The following NECTIN1 variants were observed in gnomAD, a reference collection of about 807,000 sequenced individuals.
NECTIN1 encodes nectin-1.
NECTIN1 carries 23 observed loss-of-function variants against 48.0 expected under a neutral mutation model. The observed-to-expected ratio is 0.48, with a 90% CI of 0.34 to 0.68. The LOEUF is 0.68. NECTIN1 is among the 30% of genes least tolerant of loss of function. The pLI is 0.01. For missense variants in NECTIN1, 591 were observed against 709.9 expected (o/e 0.83, Z 1.90); for synonymous variants, 270 against 288.9 (o/e 0.93, Z 0.66).
At chr11:119,655,067 G>A (rs1490692582) in intron 5 of NECTIN1, among the ~76,000 whole-genome samples, 2 of 151,188 alleles carry the variant, frequency 1.3e-5, no homozygotes, top group African/African-American at 2.4e-5. Flanking sequence ...CCACCACCAC[G>A]CCTGGCTAAT....
Position 119,663,007 on chromosome 11 carries a change from A to G in NECTIN1, c.*1740T>C. ...AAATGGAGCTGGCAGGGGGTTCAATAGCAGCACCAGGGAGGGGAGGGGAGG... is the reference window on the plus strand; with the variant it reads ...AAATGGAGCTGGCAGGGGGTTCAATGGCAGCACCAGGGAGGGGAGGGGAGG... On this transcript the variant is annotated 3_prime_UTR_variant, in exon 6 of 6. Transcript: ENST00000264025. 8.7e-6 allele frequency: 3 copies of G among 346,354 alleles called. No homozygotes were observed. Among genetic ancestry groups the G allele is most frequent in the Non-Finnish European group, 1.1e-5 (3 of 261,390 alleles). The allele number at this position is 346,354 out of a possible 1,614,324, so 21.5% of individuals were successfully genotyped here.
intron 5 of NECTIN1, among the ~76,000 whole-genome samples, chr11:119,666,824 G>C (rs552657483): frequency 5.8e-4 from 88 of 152,280 alleles, no homozygotes; most frequent in Middle Eastern, 3.4e-3. Context: ...TATCCCACTC[G>C]GCAGGCTGCA....
intron 6 of NECTIN1, chr11:119,639,779 A>C: frequency 6.3e-7 from 1 of 1,584,278 alleles, no homozygotes; most frequent in South Asian, 1.1e-5. Context: ...AGCTTTCACA[A>C]GTTTAGGTGC....
intron 5 of NECTIN1, among the ~76,000 whole-genome samples, chr11:119,650,829 T>C (rs1864480059): frequency 6.6e-6 from 1 of 152,186 alleles, no homozygotes; most frequent in Non-Finnish European, 1.5e-5. Context: ...TTATAAAGTA[T>C]GTTGAACACT....
chr11:119,638,243 A>G (rs373914183), exon 8 of NECTIN1: 2 of 1,613,952 alleles, frequency 1.2e-6, no homozygotes, highest in Non-Finnish European at 8.5e-7. Context: ...GTCCAGGTGG[A>G]CAACCTGGAA....
intron 5 of NECTIN1, chr11:119,674,483 G>A: frequency 1.2e-6 from 2 of 1,611,366 alleles, no homozygotes; most frequent in East Asian, 2.2e-5. Context: ...GCCCTTCAAG[G>A]TACATCATAC....
rs576081756 is a variant in NECTIN1 at position 119,684,152 on chromosome 11, A to G, written c.80-5387T>C. ...CTCTTCCTGCCCTTTTAACCCCCAGACCCCTCTTCCTAGCCAAGCAGGCTG... is the reference window on the plus strand; with the variant it reads ...CTCTTCCTGCCCTTTTAACCCCCAGGCCCCTCTTCCTAGCCAAGCAGGCTG... On this transcript the variant is annotated intron_variant, in intron 1 of 5. Transcript: ENST00000264025. The surrounding 1 kb of genome is among the most constrained non-coding windows in gnomAD (Gnocchi z 5.2). 3.3e-5 allele frequency among the ~76,000 whole-genome samples: 5 copies of G among 152,040 alleles called. No individual in the cohort carries two copies. The highest frequency in any genetic ancestry group is 1.2e-4 in the African/African-American group (5 of 41,456).
chr11:119,697,060 G>C (rs1207061826), intron 1 of NECTIN1, among the ~76,000 whole-genome samples: 1 of 152,128 alleles, frequency 6.6e-6, no homozygotes, highest in Non-Finnish European at 1.5e-5. Flanking sequence ...CCGGGCCTGG[G>C]AGGGGCAGCC....
At chr11:119,641,330 C>G (rs1864320636) in intron 5 of NECTIN1, 1 of 152,216 alleles carries the variant, frequency 6.6e-6, no homozygotes. Flanking sequence ...GTGCCTAGCT[C>G]CAGAGTGATC....
chr11:119,651,096 T>C (rs1302373015), intron 5 of NECTIN1, among the ~76,000 whole-genome samples: 1 of 152,074 alleles, frequency 6.6e-6, no homozygotes, highest in African/African-American at 2.4e-5. Context: ...GACAAAAGAA[T>C]AGGGCGTGGA....
At chr11:119,647,575 T>C (rs960220199) in intron 5 of NECTIN1, among the ~76,000 whole-genome samples, 15 of 151,994 alleles carry the variant, frequency 9.9e-5, no homozygotes, top group African/African-American at 3.6e-4. Context: ...CTCCTCTGGG[T>C]GCCCTCTTCC....
intron 1 of NECTIN1, among the ~76,000 whole-genome samples, chr11:119,696,428 G>GC (rs33985102): frequency 0.64 from 96,622 of 152,082 alleles, 31,240 homozygotes; most frequent in African/African-American, 0.75. Flanking sequence ...AACCCCGCCC[G>GC]CCCCCTGGGG....
intron 5 of NECTIN1, among the ~76,000 whole-genome samples, chr11:119,649,836 C>G (rs1343055327): frequency 6.6e-6 from 1 of 152,180 alleles, no homozygotes; most frequent in Non-Finnish European, 1.5e-5. Flanking sequence ...TCAAGGTCAG[C>G]CCCACCAGCA....
intron 1 of NECTIN1, among the ~76,000 whole-genome samples, chr11:119,690,893 C>A (rs1481460120): frequency 6.6e-6 from 1 of 152,190 alleles, no homozygotes; most frequent in Non-Finnish European, 1.5e-5. Context: ...CCACCTCAAC[C>A]TACCTTCCGG....
chr11:119,701,428 AG>A, intron 1 of NECTIN1, among the ~76,000 whole-genome samples: 2 of 152,172 alleles, frequency 1.3e-5, no homozygotes, highest in African/African-American at 2.4e-5. Context: ...TAAAATGCCA[AG>A]GGGTGTCTGG....
At chr11:119,676,319 C>T (rs1459438881) in intron 4 of NECTIN1, among the ~76,000 whole-genome samples, 4 of 152,240 alleles carry the variant, frequency 2.6e-5, no homozygotes, top group Non-Finnish European at 5.9e-5. Context: ...AGCCAGCAGG[C>T]TCTGCCCACT....
chr11:119,660,152 C>G (rs138453053), downstream of NECTIN1, among the ~76,000 whole-genome samples: 1 of 152,270 alleles, frequency 6.6e-6, no homozygotes, highest in Non-Finnish European at 1.5e-5. Context: ...TCATTTTACC[C>G]CCTCCCTTTC....
chr11:119,726,327 C>T (rs140159741), intron 1 of NECTIN1, among the ~76,000 whole-genome samples: 98 of 152,252 alleles, frequency 6.4e-4, no homozygotes, highest in Non-Finnish European at 1.3e-3. Flanking sequence ...TGGGCACAAC[C>T]ATATCCACCT....
chr11:119,713,768 C>T, intron 1 of NECTIN1: 1 of 447,498 alleles, frequency 2.2e-6, no homozygotes. Flanking sequence ...CTCACCTCCT[C>T]ACCCCCCGCC....
Sources: allele counts gnomAD v4.1 joint callset (sites outside exome capture counted in the v4.1 genomes callset), GRCh38; gene constraint gnomAD v4.1.1; non-coding constraint Gnocchi (gnomAD v3.1); transcripts MANE v1.5; gene names NCBI Gene and HGNC (gene_info 2026-07-23, HGNC 2026-07-21).